TASP1: variants seen among roughly 807,000 people sequenced by gnomAD.
The protein encoded by TASP1 is taspase 1.
TASP1 carries 16 observed loss-of-function variants against 56.6 expected under a neutral mutation model. The observed-to-expected ratio is 0.28, with a 90% CI of 0.19 to 0.43. The LOEUF (loss-of-function observed/expected upper bound fraction) is 0.43, where lower values mean the gene tolerates loss of function less well. TASP1 is among the 20% of genes least tolerant of loss of function. TASP1 has a pLI of 1.00. For missense variants in TASP1, 393 were observed against 511.6 expected, an observed-to-expected ratio of 0.77 and a Z score of 2.24; for synonymous variants, 179 against 184.2, an observed-to-expected ratio of 0.97 and a Z score of 0.23.
chr20:13,578,613 T>C (rs1360777179), intron 6 of TASP1, among the ~76,000 whole-genome samples: 1 of 152,230 alleles, frequency 6.6e-6, no homozygotes, highest in Non-Finnish European at 1.5e-5. Flanking sequence ...CTTTTTTACT[T>C]TTGGGTTTGG....
At chr20:13,388,428 G>C (rs2041180241), downstream of TASP1, among the ~76,000 whole-genome samples, 1 of 152,094 alleles carries the variant, frequency 6.6e-6, no homozygotes, top group East Asian at 1.9e-4. Context: ...GAAGAGTAAA[G>C]TCTTGACAAA....
chr20:13,220,592 C>T, the TASP1 span, among the ~76,000 whole-genome samples: 2 of 152,230 alleles, frequency 1.3e-5, no homozygotes, highest in Non-Finnish European at 2.9e-5. Flanking sequence ...TCTGCAGCTT[C>T]CAGCCAACAC....
intron 4 of TASP1, among the ~76,000 whole-genome samples, chr20:13,604,660 C>T (rs6033770): frequency 0.042 from 6,385 of 152,116 alleles, 266 homozygotes; most frequent in African/African-American, 0.11. Flanking sequence ...ACCTTTCACA[C>T]GGGTCATAAA....
the TASP1 span, among the ~76,000 whole-genome samples, chr20:13,124,982 G>A: frequency 2.1e-3 from 315 of 152,276 alleles, no homozygotes; most frequent in Non-Finnish European, 4.0e-3. Context: ...GAGCTGTGCC[G>A]TTATTCTAAA....
At chr20:13,347,737 G>A in the TASP1 span, among the ~76,000 whole-genome samples, 1 of 151,982 alleles carries the variant, frequency 6.6e-6, no homozygotes, top group Admixed American at 6.5e-5. Context: ...AGCTACTCGA[G>A]AGGCTGAGGC....
At chr20:13,205,850 G>T in the TASP1 span, among the ~76,000 whole-genome samples, 6 of 152,172 alleles carry the variant, frequency 3.9e-5, no homozygotes, top group Non-Finnish European at 7.3e-5. Context: ...AGCTCTGCAG[G>T]CAACTGGAGC....
chr20:13,558,177 T>C (rs1017632176), intron 8 of TASP1, among the ~76,000 whole-genome samples: 1 of 152,014 alleles, frequency 6.6e-6, no homozygotes, highest in East Asian at 1.9e-4. Flanking sequence ...ATCTAAGCCA[T>C]TACAGAAGAA....
chr20:13,398,611 T>TCCTTTTATTTTACTC (rs1182656029), intron 13 of TASP1, among the ~76,000 whole-genome samples: 2 of 152,234 alleles, frequency 1.3e-5, no homozygotes, highest in Non-Finnish European at 2.9e-5. Flanking sequence ...GCTGAAACTT[T>TCCTTTTATTTTACTC]CCTTTTATTT....
At chr20:13,311,188 C>A in the TASP1 span, among the ~76,000 whole-genome samples, 1 of 134,896 alleles carries the variant, frequency 7.4e-6, no homozygotes, top group Non-Finnish European at 1.6e-5. Context: ...GAGTGAAACT[C>A]CATCTCAAAA....
chr20:13,183,756 G>A, the TASP1 span, among the ~76,000 whole-genome samples: 5 of 152,060 alleles, frequency 3.3e-5, no homozygotes, highest in Non-Finnish European at 7.4e-5. Context: ...TGGACCGGGC[G>A]TGGTGGCTCA....
chr20:13,189,122 T>C, the TASP1 span, among the ~76,000 whole-genome samples: 1 of 152,222 alleles, frequency 6.6e-6, no homozygotes, highest in South Asian at 2.1e-4. Context: ...GACTGCCAGA[T>C]TTGCGAATCG....
the TASP1 span, among the ~76,000 whole-genome samples, chr20:13,246,272 CAA>C: frequency 1.3e-3 from 154 of 121,040 alleles, 1 homozygote; most frequent in Admixed American, 3.1e-3. Flanking sequence ...GACTCCATCT[CAA>C]AAAAAAAAAA....
chr20:13,181,981 G>A, the TASP1 span, among the ~76,000 whole-genome samples: 3 of 152,146 alleles, frequency 2.0e-5, no homozygotes, highest in African/African-American at 7.2e-5. Context: ...GCTACATTAG[G>A]CTGTAGTGGG....
At chr20:13,597,347 CT>C (rs1334733228) in intron 4 of TASP1, among the ~76,000 whole-genome samples, 5 of 152,214 alleles carry the variant, frequency 3.3e-5, no homozygotes, top group Admixed American at 2.6e-4. Context: ...ATCAAGTTGG[CT>C]TCATCCCTGG....
chr20:13,255,109 G>C, the TASP1 span, among the ~76,000 whole-genome samples: 12 of 152,300 alleles, frequency 7.9e-5, no homozygotes, highest in South Asian at 2.3e-3. Context: ...TAAATAAGCA[G>C]AATGATAGAG....
At chr20:13,268,328 TC>T in the TASP1 span, among the ~76,000 whole-genome samples, 1 of 149,112 alleles carries the variant, frequency 6.7e-6, no homozygotes, top group African/African-American at 2.5e-5. Context: ...CTCTTCTCTT[TC>T]TCCTTCTCCT....
At chr20:13,276,390 T>A in the TASP1 span, among the ~76,000 whole-genome samples, 1 of 151,922 alleles carries the variant, frequency 6.6e-6, no homozygotes, top group Admixed American at 6.6e-5. Context: ...CTAGTCAATG[T>A]ATTAATTTTC....
At chr20:13,486,346 G>A (rs1327809178) in intron 10 of TASP1, among the ~76,000 whole-genome samples, 1 of 152,032 alleles carries the variant, frequency 6.6e-6, no homozygotes, top group Non-Finnish European at 1.5e-5. Context: ...GACCTGACAA[G>A]ATTCCTAGAA....
intron 13 of TASP1, among the ~76,000 whole-genome samples, chr20:13,399,842 A>C (rs1309495617): frequency 6.6e-6 from 1 of 152,066 alleles, no homozygotes; most frequent in Non-Finnish European, 1.5e-5. Flanking sequence ...AATCTATCTG[A>C]CCTTCCATTG....
Sources: gnomAD v4.1 joint callset for allele counts (sites outside exome capture counted in the v4.1 genomes callset) on GRCh38, gnomAD v4.1.1 for gene constraint, MANE v1.5 for transcripts, NCBI Gene and HGNC (gene_info 2026-07-23, HGNC 2026-07-21) for gene names.